The following RPA1 variants were observed in gnomAD, a reference collection of about 807,000 sequenced individuals.
The protein encoded by RPA1 is replication protein A1.
A neutral mutation model predicts 83.0 loss-of-function variants in RPA1; 49 were observed. The ratio of observed to expected loss-of-function variants is 0.59; its 90% CI spans 0.47 to 0.75. The LOEUF (loss-of-function observed/expected upper bound fraction) is 0.75. Ranked by LOEUF, RPA1 falls within the 30% of genes least tolerant of loss-of-function variation. The probability of loss-of-function intolerance (pLI) is 0.00; values close to 1 mark genes in which losing one functional copy is unlikely to be tolerated. For missense variants in RPA1, 693 were observed against 776.1 expected (o/e 0.89, Z 1.27); for synonymous variants, 279 against 281.8 (o/e 0.99, Z 0.10).
chr17:1,859,820 T>G (rs1366027201), intron 5 of RPA1, among the ~76,000 whole-genome samples: 1 of 151,896 alleles, frequency 6.6e-6, no homozygotes, highest in African/African-American at 2.4e-5. Context: ...TTTTATTTAT[T>G]TATTTATTTT....
chr17:1,890,447 G>T (rs1328153929), intron 14 of RPA1, among the ~76,000 whole-genome samples: 1 of 152,128 alleles, frequency 6.6e-6, no homozygotes, highest in Non-Finnish European at 1.5e-5. Context: ...CGGATCACGA[G>T]GTCAGGAGAT....
chr17:1,880,975 C>T (rs1913771207), intron 12 of RPA1, among the ~76,000 whole-genome samples: 2 of 152,234 alleles, frequency 1.3e-5, no homozygotes, highest in Non-Finnish European at 2.9e-5. Flanking sequence ...GGCCAGGCTT[C>T]AGCAGCGGTG....
intron 6 of RPA1, 121 bp downstream of exon 6, chr17:1,872,647 G>A: frequency 8.2e-6 from 11 of 1,333,478 alleles, no homozygotes; most frequent in South Asian, 1.4e-5. Flanking sequence ...GTTGTGTCTT[G>A]GAAAGAATAA....
chr17:1,844,093 A>T, intron 3 of RPA1, 95 bp downstream of exon 3: 1 of 1,026,480 alleles, frequency 9.7e-7, no homozygotes, highest in East Asian at 2.5e-5. Flanking sequence ...GCATTCGTGA[A>T]GTCCGTACTT....
chr17:1,866,205 A>G (rs867068277), intron 5 of RPA1, among the ~76,000 whole-genome samples: 3 of 152,108 alleles, frequency 2.0e-5, no homozygotes, highest in Admixed American at 6.6e-5. Context: ...CTGTGCCACT[A>G]CACTCCAGCC....
chr17:1,836,244 T>C (rs1238180555), intron 1 of RPA1, among the ~76,000 whole-genome samples: 1 of 140,932 alleles, frequency 7.1e-6, no homozygotes, highest in Non-Finnish European at 1.6e-5. Flanking sequence ...CCTTAGTAAT[T>C]GGGGTTACAG....
At position 1,891,887 on chromosome 17, in the gene RPA1, G is replaced by A. The variant is rs1464106899; in HGVS notation, c.1606G>A (p.Ala536Thr). 4 of 1,608,042 alleles carry A rather than the reference G, an allele frequency of 2.5e-6. No individual in the cohort carries two copies. The highest frequency in any genetic ancestry group is 3.3e-5 in the Admixed American group (2 of 59,914). The change falls in exon 15 of 17, where the codon GCT (alanine) becomes ACT (threonine). Residue 536 changes from alanine (A) to threonine (T), a missense_variant. By Grantham distance (58) the Ala-to-Thr change is moderately conservative (BLOSUM62 0). Coordinates refer to ENST00000254719, the MANE Select transcript of RPA1 (RefSeq NM_002945.5). ...GTGGGTGACTTGTTTCCAGGAGTCT[G>A]CTGAAGCTATCCTTGGACAAAATGC... ...NQWVTCFQESAEAILGQNAAY... is the reference protein window; with the variant it reads ...NQWVTCFQESTEAILGQNAAY...
At chr17:1,879,139 G>A in intron 9 of RPA1, 76 bp from the exon 10 acceptor site, 4 of 1,609,980 alleles carry the variant, frequency 2.5e-6, no homozygotes, top group South Asian at 2.2e-5. Context: ...CAGGGGAGGG[G>A]TGTGTGGTGG....
At chr17:1,854,825 C>G (rs566299513) in intron 5 of RPA1, among the ~76,000 whole-genome samples, 1 of 152,170 alleles carries the variant, frequency 6.6e-6, no homozygotes, top group Non-Finnish European at 1.5e-5. Context: ...GAATAAAGTA[C>G]TTCATTAGCA....
chr17:1,896,540 G>A (rs1374119834), intron 16 of RPA1, among the ~76,000 whole-genome samples: 1 of 152,156 alleles, frequency 6.6e-6, no homozygotes, highest in Non-Finnish European at 1.5e-5. Context: ...GGGGCTGGGG[G>A]GGATTTTTGG....
intron 15 of RPA1, among the ~76,000 whole-genome samples, chr17:1,892,158 C>T (rs2151292357): frequency 6.6e-6 from 1 of 152,222 alleles, no homozygotes; most frequent in Admixed American, 6.5e-5. Context: ...AGGCACCCGC[C>T]ACGATGCCCG....
At chr17:1,841,406 C>T (rs910128009) in intron 1 of RPA1, among the ~76,000 whole-genome samples, 2 of 152,188 alleles carry the variant, frequency 1.3e-5, no homozygotes, top group East Asian at 1.9e-4. Flanking sequence ...TGGGTTCAAG[C>T]GATTCTCCTG....
chr17:1,833,093 A>C (rs1211886887), intron 1 of RPA1, among the ~76,000 whole-genome samples: 1 of 151,834 alleles, frequency 6.6e-6, no homozygotes, highest in Non-Finnish European at 1.5e-5. Flanking sequence ...CACCCTGCTA[A>C]TTTTTGTATT....
chr17:1,869,030 A>G (rs1333406495), intron 5 of RPA1, among the ~76,000 whole-genome samples: 1 of 152,234 alleles, frequency 6.6e-6, no homozygotes, highest in African/African-American at 2.4e-5. Flanking sequence ...TTTTCTGCCA[A>G]GAGGCAATTG....
intron 5 of RPA1, among the ~76,000 whole-genome samples, chr17:1,864,944 C>G (rs1468025440): frequency 6.6e-6 from 1 of 152,130 alleles, no homozygotes; most frequent in Non-Finnish European, 1.5e-5. Flanking sequence ...GTGGTTCACG[C>G]TCCCAGCTAC....
chr17:1,853,236 T>G (rs761819895), intron 5 of RPA1, 47 bp downstream of exon 5: 1 of 1,370,586 alleles, frequency 7.3e-7, no homozygotes, highest in South Asian at 1.2e-5. Flanking sequence ...AATACCTCTT[T>G]ATATATTCGG....
intron 14 of RPA1, among the ~76,000 whole-genome samples, chr17:1,889,181 A>C (rs1472943565): frequency 6.6e-6 from 1 of 152,162 alleles, no homozygotes; most frequent in East Asian, 1.9e-4. Context: ...AGTCACTTTC[A>C]TGTGGATAAT....
chr17:1,881,874 G>T (rs924616054), intron 12 of RPA1, among the ~76,000 whole-genome samples: 1 of 50,098 alleles, frequency 2.0e-5, no homozygotes, highest in Admixed American at 1.8e-4. Context: ...AGTTTTTATT[G>T]TAAGAAGGGC....
chr17:1,875,739 G>A lies in RPA1; in HGVS notation c.533G>A (p.Gly178Glu). ...GGTCCCAGCCTGTCACACACTTCTG[G>A]GGGAACACAGTCCAAAGTGGTGCCC... ...AAGPSLSHTS[G>E]GTQSKVVPIA... is the part of the protein sequence containing the mutation. Residue 178 changes from glycine to glutamate, a missense_variant, in exon 7 of 17, where the codon GGG becomes GAG. By Grantham distance (98) the Gly-to-Glu change is moderately conservative. Coordinates refer to ENST00000254719, the MANE Select transcript of RPA1 (RefSeq NM_002945.5). The A allele has an allele frequency of 1.2e-6, 2 of 1,614,086 alleles. No homozygotes were observed. The highest frequency in any genetic ancestry group is 1.1e-5 in the South Asian group (1 of 91,074).
Sources: allele counts gnomAD v4.1 joint callset (sites outside exome capture counted in the v4.1 genomes callset), GRCh38; gene constraint gnomAD v4.1.1; transcripts MANE v1.5; gene names NCBI Gene and HGNC (gene_info 2026-07-23, HGNC 2026-07-21).